SHROOM3: variants seen among roughly 807,000 people sequenced by gnomAD.
The protein encoded by SHROOM3 is protein Shroom3.
SHROOM3 carries 47 observed loss-of-function variants against 138.6 expected under a neutral mutation model. The ratio of observed to expected loss-of-function variants is 0.34; its 90% confidence interval spans 0.27 to 0.43. The LOEUF (loss-of-function observed/expected upper bound fraction) is 0.43. SHROOM3 is among the 20% of genes least tolerant of loss of function. SHROOM3 has a pLI of 1.00. For synonymous variants in SHROOM3, 1,062 were observed against 1,063.3 expected, an observed-to-expected ratio of 1.00 and a Z score of 0.02; for missense variants, 2,491 against 2,596.5, an observed-to-expected ratio of 0.96 and a Z score of 0.88.
chr4:76,439,236 C>T (rs1172404504), intron 1 of SHROOM3, among the ~76,000 whole-genome samples: 1 of 152,150 alleles, frequency 6.6e-6, no homozygotes. Context: ...TCCTTCTCAC[C>T]CTGCAGCTGA....
At chr4:76,674,665 C>T (rs1032702855) in intron 2 of SHROOM3, among the ~76,000 whole-genome samples, 2 of 151,332 alleles carry the variant, frequency 1.3e-5, no homozygotes, top group Non-Finnish European at 2.9e-5. Context: ...AGTGATCCTC[C>T]CACCTCAGCC....
intron 2 of SHROOM3, among the ~76,000 whole-genome samples, chr4:76,590,336 G>A (rs1734239243): frequency 1.3e-5 from 2 of 152,200 alleles, no homozygotes; most frequent in African/African-American, 2.4e-5. Flanking sequence ...GGCCAGTTGC[G>A]GGTGAGCCGT....
intron 2 of SHROOM3, among the ~76,000 whole-genome samples, chr4:76,669,929 A>C (rs1262139187): frequency 1.3e-5 from 2 of 152,236 alleles, no homozygotes; most frequent in Non-Finnish European, 2.9e-5. Flanking sequence ...ACCATATCTC[A>C]TAGGCACTTG....
At chr4:76,765,083 T>C (rs1367203324) in intron 9 of SHROOM3, among the ~76,000 whole-genome samples, 5 of 152,070 alleles carry the variant, frequency 3.3e-5, no homozygotes, top group African/African-American at 1.2e-4. Flanking sequence ...TCAAGTTCAC[T>C]GACTTTCCTA....
At chr4:76,474,722 C>T (rs1186715104) in intron 1 of SHROOM3, among the ~76,000 whole-genome samples, 1 of 151,910 alleles carries the variant, frequency 6.6e-6, no homozygotes, top group Non-Finnish European at 1.5e-5. Flanking sequence ...TAAGACCAGT[C>T]TGGTCAACAT....
intron 2 of SHROOM3, among the ~76,000 whole-genome samples, chr4:76,708,613 G>T (rs344125): frequency 0.046 from 7,038 of 152,224 alleles, 253 homozygotes; most frequent in Admixed American, 0.11. Context: ...TTACAGTCAG[G>T]TATTGGATGG....
At chr4:76,457,397 T>C (rs1005278741) in intron 1 of SHROOM3, among the ~76,000 whole-genome samples, 1 of 152,108 alleles carries the variant, frequency 6.6e-6, no homozygotes, top group African/African-American at 2.4e-5. Context: ...CTTTCCACCA[T>C]GATTAGAAGC....
chr4:76,559,478 T>C (rs931709893), intron 2 of SHROOM3: 22 of 152,210 alleles, frequency 1.4e-4, no homozygotes, highest in African/African-American at 5.3e-4. Flanking sequence ...TTTTTCTATG[T>C]GATCTCTATA....
intron 7 of SHROOM3, among the ~76,000 whole-genome samples, chr4:76,756,126 AG>A (rs1470139132): frequency 1.3e-5 from 2 of 152,228 alleles, no homozygotes; most frequent in Non-Finnish European, 2.9e-5. Flanking sequence ...TGTTTTCTAA[AG>A]AAGGGGTTGA....
chr4:76,590,062 T>C (rs1275154029), intron 2 of SHROOM3, among the ~76,000 whole-genome samples: 1 of 152,116 alleles, frequency 6.6e-6, no homozygotes, highest in Non-Finnish European at 1.5e-5. Context: ...CCTGAGCAGT[T>C]CTCTCTGGGC....
At chr4:76,496,200 T>C (rs1454972402) in intron 1 of SHROOM3, among the ~76,000 whole-genome samples, 1 of 152,184 alleles carries the variant, frequency 6.6e-6, no homozygotes, top group Admixed American at 6.5e-5. Context: ...TTGGAGGGTG[T>C]GCTTCTGGGG....
rs764124002 is a variant in SHROOM3, at chr4:76,739,581, G to C, written c.1408G>C (p.Val470Leu). 5.6e-6 allele frequency: 9 copies of C among 1,614,022 alleles called. No individual in the cohort carries two copies. The highest frequency in any genetic ancestry group is 4.5e-5 in the East Asian group (2 of 44,886). ...QPLLPTSIYP[V>L]PSLEPHFAQV... ...TCTGCTGCCGACCAGCATCTACCCG[G>C]TACCTTCCCTGGAGCCACACTTTGC... Residue 470 changes from valine (V) to leucine (L), a missense_variant, in exon 5 of 11, where the codon GTA becomes CTA. By Grantham distance (32) the Val-to-Leu change is conservative (BLOSUM62 1). This residue lies in a region of SHROOM3 where 1,733 missense variants were observed against 1,661.6 expected (regional missense o/e 1.04). Transcript: ENST00000296043.
At chr4:76,762,764 C>T (rs748975621) in intron 9 of SHROOM3, among the ~76,000 whole-genome samples, 8 of 152,158 alleles carry the variant, frequency 5.3e-5, no homozygotes, top group Non-Finnish European at 7.4e-5. Context: ...GTCTGCTTTC[C>T]TGGAACTTTA....
intron 9 of SHROOM3, among the ~76,000 whole-genome samples, chr4:76,765,784 C>G (rs1159338558): frequency 6.6e-6 from 1 of 152,116 alleles, no homozygotes; most frequent in Non-Finnish European, 1.5e-5. Flanking sequence ...TCATATTTTC[C>G]AAAGTGATTG....
At chr4:76,555,865 C>A in intron 2 of SHROOM3, 102 bp downstream of exon 2, 1 of 1,284,026 alleles carries the variant, frequency 7.8e-7, no homozygotes, top group Non-Finnish European at 1.1e-6. Context: ...GGTAGCTTGG[C>A]TTTAAACCTC....
chr4:76,508,515 G>A (rs1411341658), intron 1 of SHROOM3, among the ~76,000 whole-genome samples: 2 of 152,118 alleles, frequency 1.3e-5, no homozygotes, highest in Non-Finnish European at 2.9e-5. Context: ...TCTTTTTCAA[G>A]ATTGTTTGGA....
rs560111539 is a variant in SHROOM3 at position 76,778,816 on chromosome 4, T to C, written c.5630T>C (p.Leu1877Pro). 1 of 1,612,260 alleles carries C rather than the reference T, an allele frequency of 6.2e-7. No homozygotes were observed. The highest frequency in any genetic ancestry group is 1.3e-5 in the African/African-American group (1 of 74,952). ...TCCAATTTTCCCTGGCAGAGCTCTC[T>C]TTACGAGAAAAGGAAGATCCTGGCT... ...EDASNEERSS[L>P]YEKRKILAGQ... Residue 1877 changes from leucine to proline, a missense_variant, in exon 11 of 11, where the codon CTT (leucine) becomes CCT (proline). Leu to Pro is a moderately conservative substitution (Grantham distance 98). Transcript: ENST00000296043.
At chr4:76,730,047 A>T (rs1239905317) in intron 3 of SHROOM3, among the ~76,000 whole-genome samples, 4 of 152,260 alleles carry the variant, frequency 2.6e-5, no homozygotes, top group Admixed American at 1.3e-4. Flanking sequence ...AATAAGGCAC[A>T]GCAGCTCTCT....
intron 1 of SHROOM3, among the ~76,000 whole-genome samples, chr4:76,514,270 G>A (rs1164146336): frequency 6.6e-6 from 1 of 152,152 alleles, no homozygotes; most frequent in Admixed American, 6.5e-5. Flanking sequence ...TTAACTGATG[G>A]TGAATACATT....
Sources: allele counts gnomAD v4.1 joint callset (sites outside exome capture counted in the v4.1 genomes callset), GRCh38; gene constraint gnomAD v4.1.1; regional missense constraint gnomAD v4.1.1; transcripts MANE v1.5; gene names NCBI Gene and HGNC (gene_info 2026-07-23, HGNC 2026-07-21).